The following SNRPB variants were observed in gnomAD, a reference collection of about 807,000 sequenced individuals.
SNRPB encodes the protein small nuclear ribonucleoprotein polypeptides B and B1.
SNRPB carries 5 observed loss-of-function variants against 26.6 expected under a neutral mutation model. That is an observed-to-expected ratio of 0.19 (90% CI 0.10 to 0.39). The LOEUF (loss-of-function observed/expected upper bound fraction) is 0.39, where lower values mean the gene tolerates loss of function less well. Ranked by LOEUF, SNRPB falls within the 10% of genes least tolerant of loss-of-function variation. The pLI, the probability that SNRPB is intolerant of heterozygous loss-of-function variation, is 1.00. For synonymous variants in SNRPB, 122 were observed against 105.8 expected, an observed-to-expected ratio of 1.15 and a Z score of -0.94; for missense variants, 211 against 311.9, an observed-to-expected ratio of 0.68 and a Z score of 2.44.
intron 6 of SNRPB, 165 bp downstream of exon 6, chr20:2,462,471 G>A (rs1599995244): frequency 8.3e-6 from 6 of 726,174 alleles, no homozygotes; most frequent in South Asian, 4.6e-5. Context: ...AAGAGGGGAG[G>A]TAAGCCCAAT....
chr20:2,463,294 A>G lies in SNRPB; in HGVS notation c.421-67T>C. 7.9e-7 allele frequency: 1 copy of G among 1,259,956 alleles called. No individual in the cohort carries two copies. Among genetic ancestry groups the G allele is most frequent in the East Asian group, 2.3e-5 (1 of 43,176 alleles). The allele number at this position is 1,259,956 out of a possible 1,614,324, so 78.0% of individuals were successfully genotyped here. ...AATGCAGCTTCCCACTCTCCTCCCC[A>G]ACTTGGGGAAGGACAGTGGGAAATA... On this transcript the variant is annotated intron_variant, in intron 4 of 6. Transcript: ENST00000381342. The surrounding 1 kb of genome is among the most constrained non-coding windows in gnomAD (Gnocchi z 5.0).
intron 1 of SNRPB, among the ~76,000 whole-genome samples, chr20:2,469,972 T>C (rs962597437): frequency 4.6e-5 from 7 of 152,212 alleles, no homozygotes; most frequent in African/African-American, 7.2e-5. Flanking sequence ...GCTAATCTTT[T>C]AGGAATCTGC....
chr20:2,468,502 G>A (rs530834660), intron 1 of SNRPB, among the ~76,000 whole-genome samples: 1 of 152,316 alleles, frequency 6.6e-6, no homozygotes, highest in South Asian at 2.1e-4. Flanking sequence ...CATTTGATCT[G>A]TATATCATCC....
rs11545671 is a variant in SNRPB, at chr20:2,461,893, C to T, written c.*36G>A. On this transcript the variant is annotated 3_prime_UTR_variant, in exon 7 of 7. Transcript: ENST00000381342. ...TGGCCCTGAGGAATCGAGCCCACGCCTCTGCGGAGCTACTTCCATACTCTG... is the reference window on the plus strand; with the variant it reads ...TGGCCCTGAGGAATCGAGCCCACGCTTCTGCGGAGCTACTTCCATACTCTG... The T allele has an allele frequency of 6.2e-7, 1 of 1,613,818 alleles. No homozygotes were observed. Among genetic ancestry groups the T allele is most frequent in the Admixed American group, 1.7e-5 (1 of 60,000 alleles).
At chr20:2,464,387 G>C (rs987268473) in intron 3 of SNRPB, among the ~76,000 whole-genome samples, 10 of 152,230 alleles carry the variant, frequency 6.6e-5, no homozygotes, top group African/African-American at 2.2e-4. Flanking sequence ...AATTCTACTG[G>C]AAGTAGGTAC....
intron 3 of SNRPB, among the ~76,000 whole-genome samples, chr20:2,464,887 A>C (rs4815247): frequency 4.2e-4 from 62 of 149,268 alleles, no homozygotes; most frequent in Middle Eastern, 3.5e-3. Context: ...AAAAAAAAAA[A>C]AAAAAAAACC....
At position 2,461,705 on chromosome 20, in the gene SNRPB, T is replaced by TATA. The variant is rs772464746; in HGVS notation, c.*223_*224insTAT. On this transcript the variant is annotated 3_prime_UTR_variant, in exon 7 of 7. Coordinates refer to ENST00000381342, the MANE Select transcript of SNRPB (RefSeq NM_003091.4). The stretch of plus-strand genomic sequence containing the variant: ...AGGCCACAAGGAGATAAAAGGACTA[T>TATA]GTACAGCCTTACGGGAAACAGGCAG... 1 of 1,344,424 alleles carries TATA rather than the reference T, an allele frequency of 7.4e-7. No homozygotes were observed. The highest frequency in any genetic ancestry group is 1.0e-6 in the Non-Finnish European group (1 of 970,780). 83.3% of individuals were successfully genotyped at this position (1,344,424 alleles called of 1,614,324 possible).
intron 2 of SNRPB, 84 bp from the exon 3 acceptor site, chr20:2,465,903 A>G (rs2085070362): frequency 1.0e-6 from 1 of 959,454 alleles, no homozygotes; most frequent in African/African-American, 1.6e-5. Context: ...ATTTGCTTAT[A>G]CTGCATCTCC....
At chr20:2,465,956 T>G (rs1034561548) in intron 2 of SNRPB, 137 bp from the exon 3 acceptor site, 1 of 654,394 alleles carries the variant, frequency 1.5e-6, no homozygotes, top group Non-Finnish European at 2.7e-6. Flanking sequence ...CCCTCCTGGA[T>G]AGTCTCTACA....
In SNRPB at chr20:2,463,258, G is replaced by C; in HGVS notation, c.421-31C>G. Reference sequence around the variant, plus strand: ...AGGACATAAGAAGAAAGAGTTAGAAGAGTACAGTACAATGCAGCTTCCCAC... The same window carrying C: ...AGGACATAAGAAGAAAGAGTTAGAACAGTACAGTACAATGCAGCTTCCCAC... On this transcript the variant is annotated intron_variant, in intron 4 of 6. Coordinates refer to ENST00000381342, the MANE Select transcript of SNRPB (RefSeq NM_003091.4). This position sits in a 1 kb window ranked among gnomAD's most constrained non-coding sequence, Gnocchi z 5.0. The C allele has an allele frequency of 1.3e-6, 2 of 1,586,092 alleles. No homozygotes were observed. Among genetic ancestry groups the C allele is most frequent in the Non-Finnish European group, 1.7e-6 (2 of 1,154,870 alleles).
chr20:2,465,408 T>C (rs1445918293), intron 3 of SNRPB, among the ~76,000 whole-genome samples: 2 of 2,836 alleles, frequency 7.1e-4, no homozygotes, highest in African/African-American at 1.2e-3. Flanking sequence ...TTTTTTTGTC[T>C]TTTTTTTTTT....
rs769200322 is a variant in SNRPB at position 2,462,595 on chromosome 20, C to A, written c.685+41G>T. The A allele has an allele frequency of 2.5e-6, 4 of 1,585,370 alleles. No homozygotes were observed. In the Admixed American group the frequency reaches 6.7e-5, roughly 26 times the overall value. ...TCCCTCCATTTCCTATCCCACTAGG[C>A]TCTAGGGAAAGAAGCCAAAGTCACC... On this transcript the variant is annotated intron_variant, in intron 6 of 6. Transcript: ENST00000381342.
intron 1 of SNRPB, among the ~76,000 whole-genome samples, chr20:2,470,085 G>C (rs2085102378): frequency 6.6e-6 from 1 of 152,218 alleles, no homozygotes; most frequent in African/African-American, 2.4e-5. Flanking sequence ...AGCTACCTCT[G>C]TGAAGGAAGC....
In SNRPB at chr20:2,463,210, T is replaced by C; in HGVS notation, c.438A>G (p.Gly146=). The change falls in exon 5 of 7, where the codon GGA becomes GGG. Residue 146 remains glycine, a synonymous_variant. Coordinates refer to ENST00000381342, the MANE Select transcript of SNRPB (RefSeq NM_003091.4). This position sits in a 1 kb window ranked among gnomAD's most constrained non-coding sequence, Gnocchi z 5.0. ...CTGCAGCGGCTGCAACAGTACCTCTTCCTTGTGGGGTCATCACCTAAGAGG... is the reference window on the plus strand; with the variant it reads ...CTGCAGCGGCTGCAACAGTACCTCTCCCTTGTGGGGTCATCACCTAAGAGG... ...GPSQQVMTPQ[G]RGTVAAAAAA... 1 of 1,613,052 alleles carries C rather than the reference T, an allele frequency of 6.2e-7. No individual in the cohort carries two copies. Among genetic ancestry groups the C allele is most frequent in the South Asian group, 1.1e-5 (1 of 91,076 alleles).
At position 2,463,361 on chromosome 20, in the gene SNRPB, A is replaced by ACT; in HGVS notation, c.421-136_421-135dup. 1 of 703,880 alleles carries ACT rather than the reference A, an allele frequency of 1.4e-6. No individual in the cohort carries two copies. The highest frequency in any genetic ancestry group is 2.7e-5 in the East Asian group (1 of 36,702). 43.6% of individuals were successfully genotyped at this position (703,880 alleles called of 1,614,324 possible). On this transcript the variant is annotated intron_variant, in intron 4 of 6. Transcript: ENST00000381342. The surrounding 1 kb of genome is among the most constrained non-coding windows in gnomAD (Gnocchi z 5.0). ...TTAATGCTACAACTCTCAGCACCAG[A>ACT]CTTCCCATCCAAAACCACATGTCGG...
chr20:2,470,656 G>A (rs779482334), intron 1 of SNRPB, 32 bp downstream of exon 1: 61 of 1,613,286 alleles, frequency 3.8e-5, no homozygotes, highest in Non-Finnish European at 4.8e-5. Context: ...AGACTCGGAA[G>A]CTCCCGCGCC....
chr20:2,462,848 G>C lies in SNRPB; in HGVS notation c.560-87C>G. 5.1e-6 allele frequency: 6 copies of C among 1,170,634 alleles called. No individual in the cohort carries two copies. In the South Asian group the frequency reaches 9.1e-5, roughly 18 times the overall value. The allele number at this position is 1,170,634 out of a possible 1,614,324, so 72.5% of individuals were successfully genotyped here. ...ACTACAAAGCTTTCCACCAAGTTCT[G>C]AGATAGATGGACCATTCCACCCTCT... is the stretch of plus-strand genomic sequence containing the variant. On this transcript the variant is annotated intron_variant, in intron 5 of 6. Coordinates refer to ENST00000381342, the MANE Select transcript of SNRPB (RefSeq NM_003091.4).
chr20:2,468,039 G>A (rs2085086253), intron 1 of SNRPB, among the ~76,000 whole-genome samples: 1 of 152,198 alleles, frequency 6.6e-6, no homozygotes, highest in Admixed American at 6.5e-5. Flanking sequence ...GCAGGGATGA[G>A]AGTATAGGGT....
At chr20:2,467,536 T>A (rs1037021389) in intron 2 of SNRPB, 71 bp downstream of exon 2, 8 of 1,433,482 alleles carry the variant, frequency 5.6e-6, no homozygotes, top group African/African-American at 2.8e-5. Flanking sequence ...CATCACCACC[T>A]CTATTGCTTG....
Sources: allele counts gnomAD v4.1 joint callset (sites outside exome capture counted in the v4.1 genomes callset), GRCh38; gene constraint gnomAD v4.1.1; non-coding constraint Gnocchi (gnomAD v3.1); transcripts MANE v1.5; gene names NCBI Gene and HGNC (gene_info 2026-07-23, HGNC 2026-07-21).